ADIPOR2: variants seen among roughly 807,000 people sequenced by gnomAD.
The protein encoded by ADIPOR2 is adiponectin receptor protein 2.
In ADIPOR2, 18 loss-of-function variants were observed where a neutral mutation model predicts 40.9. That is an observed-to-expected ratio of 0.44 (90% CI 0.30 to 0.65). The LOEUF (loss-of-function observed/expected upper bound fraction) is 0.65. Among genes scored for constraint, ADIPOR2 ranks in the 30% least tolerant of loss-of-function variants. The pLI, the probability that ADIPOR2 is intolerant of heterozygous loss-of-function variation, is 0.09. For synonymous variants in ADIPOR2, 165 were observed against 166.4 expected (o/e 0.99, Z 0.06); for missense variants, 283 against 479.2 (o/e 0.59, Z 3.82).
chr12:1,719,356 A>T (rs1226703918), intron 1 of ADIPOR2, among the ~76,000 whole-genome samples: 1 of 152,198 alleles, frequency 6.6e-6, no homozygotes, highest in Non-Finnish European at 1.5e-5. Context: ...TTTGGCATTT[A>T]AGTGCTATCA....
At chr12:1,711,276 A>G (rs1187612012) in intron 1 of ADIPOR2, among the ~76,000 whole-genome samples, 1 of 152,166 alleles carries the variant, frequency 6.6e-6, no homozygotes, top group Non-Finnish European at 1.5e-5. Context: ...GTAGTAGGAT[A>G]ATGAAGTAGA....
rs140197258 is a variant in ADIPOR2 at position 1,770,068 on chromosome 12, C to T, written c.172-2774C>T. Among the ~76,000 whole-genome samples, 21 of 151,946 alleles carry T rather than the reference C, an allele frequency of 1.4e-4. No individual in the cohort carries two copies. The East Asian group carries it at 3.7e-3, about 27-fold the overall frequency. ...GAGTAGCTGGGACTGCAGACAGGCACGCAACACCACTCCTGGCTAATTTTT... is the reference window on the plus strand; with the variant it reads ...GAGTAGCTGGGACTGCAGACAGGCATGCAACACCACTCCTGGCTAATTTTT... On this transcript the variant is annotated intron_variant, in intron 2 of 7. Coordinates refer to ENST00000357103, the MANE Select transcript of ADIPOR2 (RefSeq NM_024551.3).
chr12:1,722,749 T>G (rs1431469398), intron 1 of ADIPOR2, among the ~76,000 whole-genome samples: 1 of 152,192 alleles, frequency 6.6e-6, no homozygotes, highest in Non-Finnish European at 1.5e-5. Flanking sequence ...TTTAAGATAT[T>G]TTATGTACCC....
At chr12:1,719,603 T>C (rs2094693904) in intron 1 of ADIPOR2, among the ~76,000 whole-genome samples, 1 of 152,184 alleles carries the variant, frequency 6.6e-6, no homozygotes, top group African/African-American at 2.4e-5. Flanking sequence ...AAATATTTTA[T>C]TGCATGTAGT....
At chr12:1,697,119 G>A (rs563888371) in intron 1 of ADIPOR2, 1 of 152,352 alleles carries the variant, frequency 6.6e-6, no homozygotes, top group African/African-American at 2.4e-5. Flanking sequence ...CTGGAGATAA[G>A]ATTTATGAGC....
chr12:1,748,349 C>G (rs4765841), intron 1 of ADIPOR2, among the ~76,000 whole-genome samples: 41 of 152,128 alleles, frequency 2.7e-4, no homozygotes, highest in Middle Eastern at 6.8e-3. Context: ...CCCGGGTTCA[C>G]GCCATTCTCC....
At chr12:1,740,717 T>A (rs2094740970) in intron 1 of ADIPOR2, among the ~76,000 whole-genome samples, 1 of 152,232 alleles carries the variant, frequency 6.6e-6, no homozygotes, top group South Asian at 2.1e-4. Flanking sequence ...CTGTTTTACG[T>A]ATGTATGTGT....
intron 2 of ADIPOR2, chr12:1,760,914 C>G (rs948704626): frequency 4.6e-5 from 7 of 152,180 alleles, no homozygotes; most frequent in Non-Finnish European, 1.5e-5. Flanking sequence ...CATATCCATG[C>G]TGCAGATGGC....
intron 1 of ADIPOR2, chr12:1,730,910 G>A (rs2094718829): frequency 6.6e-6 from 1 of 152,094 alleles, no homozygotes; most frequent in South Asian, 2.1e-4. Context: ...TCTCTTATAT[G>A]TAATGCAGGT....
chr12:1,746,945 A>G (rs1214851949), intron 1 of ADIPOR2, among the ~76,000 whole-genome samples: 1 of 152,022 alleles, frequency 6.6e-6, no homozygotes, highest in African/African-American at 2.4e-5. Context: ...GGGAAGAGGA[A>G]GATTGTTTGA....
chr12:1,763,715 T>C (rs1281353694), intron 2 of ADIPOR2, among the ~76,000 whole-genome samples: 6 of 152,222 alleles, frequency 3.9e-5, no homozygotes, highest in Non-Finnish European at 7.3e-5. Flanking sequence ...TGGTGGCTCA[T>C]GCCTGTAATC....
intron 2 of ADIPOR2, among the ~76,000 whole-genome samples, chr12:1,762,784 T>A (rs1470711324): frequency 6.6e-6 from 1 of 152,202 alleles, no homozygotes; most frequent in Non-Finnish European, 1.5e-5. Context: ...GAAACTGAGG[T>A]TTCATGTGAA....
At chr12:1,734,954 A>G (rs929277463) in intron 1 of ADIPOR2, among the ~76,000 whole-genome samples, 2 of 151,272 alleles carry the variant, frequency 1.3e-5, no homozygotes, top group Non-Finnish European at 3.0e-5. Flanking sequence ...TCTGGTCTAT[A>G]TCTCTGTTTT....
chr12:1,743,785 G>T (rs371438209), intron 1 of ADIPOR2, among the ~76,000 whole-genome samples: 1 of 152,136 alleles, frequency 6.6e-6, no homozygotes, highest in Non-Finnish European at 1.5e-5. Flanking sequence ...GCATATTAAA[G>T]ATCTGGCTTA....
intron 1 of ADIPOR2, among the ~76,000 whole-genome samples, chr12:1,746,274 C>T (rs1044456339): frequency 1.3e-5 from 2 of 152,042 alleles, no homozygotes; most frequent in African/African-American, 4.8e-5. Flanking sequence ...AATCCCAGCA[C>T]TTTGAGAGGC....
At chr12:1,771,219 C>T (rs10735003) in intron 2 of ADIPOR2, among the ~76,000 whole-genome samples, 62,768 of 151,712 alleles carry the variant, frequency 0.41, 14,435 homozygotes, top group Non-Finnish European at 0.53. Flanking sequence ...TGCACACACA[C>T]GTGCGCACAG....
intron 1 of ADIPOR2, among the ~76,000 whole-genome samples, chr12:1,710,724 A>G (rs1592578342): frequency 6.6e-6 from 1 of 152,018 alleles, no homozygotes; most frequent in South Asian, 2.1e-4. Flanking sequence ...GCGGGGTCCC[A>G]ACAAAAAGTT....
chr12:1,770,702 G>C (rs1862478008), intron 2 of ADIPOR2, among the ~76,000 whole-genome samples: 1 of 152,134 alleles, frequency 6.6e-6, no homozygotes, highest in Non-Finnish European at 1.5e-5. Flanking sequence ...TTTAGGAAAT[G>C]ATACGCTAAA....
At chr12:1,711,588 ATC>A (rs1266616608) in intron 1 of ADIPOR2, among the ~76,000 whole-genome samples, 11 of 145,304 alleles carry the variant, frequency 7.6e-5, no homozygotes, top group African/African-American at 2.3e-4. Flanking sequence ...TACTACTTCT[ATC>A]TCTGTGTCTC....
Sources: allele counts gnomAD v4.1 joint callset (sites outside exome capture counted in the v4.1 genomes callset), GRCh38; gene constraint gnomAD v4.1.1; transcripts MANE v1.5; gene names NCBI Gene and HGNC (gene_info 2026-07-23, HGNC 2026-07-21).